Variants in PRG3 observed in about 807,000 individuals in gnomAD.
The protein encoded by PRG3 is proteoglycan 3, pro eosinophil major basic protein 2, also known as proteoglycan 3.
PRG3 carries 25 observed loss-of-function variants against 26.1 expected under a neutral mutation model. That is an observed-to-expected ratio of 0.96 (90% CI 0.70 to 1.34). The LOEUF (loss-of-function observed/expected upper bound fraction) is 1.34, where lower values mean the gene tolerates loss of function less well. Among genes scored for constraint, PRG3 ranks in the 40% most tolerant of loss-of-function variants. The probability of loss-of-function intolerance (pLI) is 0.00; values close to 1 mark genes in which losing one functional copy is unlikely to be tolerated. For missense variants in PRG3, 280 were observed against 264.8 expected (o/e 1.06, Z -0.40); for synonymous variants, 111 against 100.4 (o/e 1.11, Z -0.63).
In PRG3 at chr11:57,379,763, G is replaced by A; in HGVS notation, c.106C>T (p.Leu36=). 2 of 1,613,780 alleles carry A rather than the reference G, an allele frequency of 1.2e-6. No homozygotes were observed. Among genetic ancestry groups the A allele is most frequent in the Non-Finnish European group, 8.5e-7 (1 of 1,179,916 alleles). The change falls in exon 3 of 6, where the codon CTA becomes TTA. Residue 36 remains leucine, a synonymous_variant. Coordinates refer to ENST00000287143, the MANE Select transcript of PRG3 (RefSeq NM_006093.4). ...HLESLETQAD[L]GQDLDSSKEQ... is the part of the protein sequence containing the mutation. ...TTTGAACTATCCAGATCCTGGCCTA[G>A]GTCTGCCTGTGTCTCTAGGCTCTCC...
chr11:57,378,930 C>T, intron 3 of PRG3, 118 bp from the exon 4 acceptor site: 1 of 1,203,298 alleles, frequency 8.3e-7, no homozygotes, highest in South Asian at 1.4e-5. Context: ...CTCCCTTAAT[C>T]CTATCTTTTG....
chr11:57,377,566 G>T (rs1856956919), intron 5 of PRG3, among the ~76,000 whole-genome samples, 159 bp downstream of exon 5: 1 of 152,190 alleles, frequency 6.6e-6, no homozygotes, highest in Non-Finnish European at 1.5e-5. Context: ...TTGCTTTGAG[G>T]ATTCCCTATG....
At chr11:57,377,044 C>A in intron 5 of PRG3, 136 bp from the exon 6 acceptor site, 1 of 840,110 alleles carries the variant, frequency 1.2e-6, no homozygotes, top group Non-Finnish European at 1.9e-6. Flanking sequence ...TGCCCCACAT[C>A]CCTACTGGCT....
intron 4 of PRG3, among the ~76,000 whole-genome samples, chr11:57,378,092 G>A (rs1431528921): frequency 6.6e-6 from 1 of 152,182 alleles, no homozygotes; most frequent in Non-Finnish European, 1.5e-5. Context: ...GATTCAAGAG[G>A]TCTGTGGTGG....
rs763921737 is a variant in PRG3, at chr11:57,376,851, TAGA to T, written c.674_676del (p.Phe225del). 5 of 1,612,272 alleles carry T rather than the reference TAGA, an allele frequency of 3.1e-6. No individual in the cohort carries two copies. In the African/African-American group the frequency reaches 6.7e-5, roughly 22 times the overall value. ...TGGCAGGGTCTCCGTGCCGCTGGCT[TAGA>T]AGGAGCAGACGAAGGGCAGTTGCTT... On this transcript the variant is annotated inframe_deletion, in exon 6 of 6. Coordinates refer to ENST00000287143, the MANE Select transcript of PRG3 (RefSeq NM_006093.4).
chr11:57,379,933 T>C (rs1038201825), intron 2 of PRG3, 126 bp from the exon 3 acceptor site: 4 of 910,332 alleles, frequency 4.4e-6, no homozygotes, highest in African/African-American at 3.3e-5. Flanking sequence ...GAGGATTTCC[T>C]TGGTGTTAGG....
intron 5 of PRG3, 96 bp downstream of exon 5, chr11:57,377,629 T>G: frequency 3.0e-6 from 3 of 1,014,130 alleles, no homozygotes; most frequent in East Asian, 2.6e-5. Context: ...CGGGAGGGTC[T>G]GAGTTTGGGG....
At chr11:57,379,390 C>G in intron 3 of PRG3, 104 bp downstream of exon 3, 1 of 1,142,456 alleles carries the variant, frequency 8.8e-7, no homozygotes, top group South Asian at 1.6e-5. Context: ...GATTCTGATG[C>G]ATGCGAGGCT....
intron 1 of PRG3, 113 bp downstream of exon 1, chr11:57,381,001 C>T (rs1274305419): frequency 4.1e-6 from 1 of 242,016 alleles, no homozygotes; most frequent in Non-Finnish European, 7.7e-6. Flanking sequence ...GGGGACAGGT[C>T]TGCTTAGCTA....
chr11:57,380,506 A>G, intron 2 of PRG3, 142 bp downstream of exon 2: 1 of 651,386 alleles, frequency 1.5e-6, no homozygotes. Context: ...TCCAAGTGAT[A>G]TCTTACCGGA....
chr11:57,380,760 C>A lies in PRG3; in HGVS notation c.-52G>T, dbSNP rs1433001376. 7.6e-7 allele frequency: 1 copy of A among 1,317,648 alleles called. No homozygotes were observed. The highest frequency in any genetic ancestry group is 1.0e-6 in the Non-Finnish European group (1 of 973,216). 81.6% of individuals were successfully genotyped at this position (1,317,648 alleles called of 1,614,324 possible). On this transcript the variant is annotated 5_prime_UTR_variant, in exon 2 of 6. Coordinates refer to ENST00000287143, the MANE Select transcript of PRG3 (RefSeq NM_006093.4). ...ACTCCACCGTCCTTCTTGGGGCTGT[C>A]TTTGTGTGTCTAGTATAGCCCCTGG...
intron 3 of PRG3, among the ~76,000 whole-genome samples, chr11:57,379,290 T>C (rs983891286): frequency 3.9e-5 from 6 of 152,210 alleles, no homozygotes; most frequent in African/African-American, 9.6e-5. Flanking sequence ...TTGTTGTAAA[T>C]GCAAATTCTC....
chr11:57,380,300 T>A (rs939409513), intron 2 of PRG3, among the ~76,000 whole-genome samples: 1 of 151,862 alleles, frequency 6.6e-6, no homozygotes, highest in Non-Finnish European at 1.5e-5. Flanking sequence ...CTCAGGAGGC[T>A]GAGGCAGAAG....
chr11:57,380,606 A>T (rs1414022822), intron 2 of PRG3, 42 bp downstream of exon 2: 1 of 1,499,768 alleles, frequency 6.7e-7, no homozygotes, highest in South Asian at 1.3e-5. Context: ...AGGAAAAAGG[A>T]AAAAAGGGAA....
At chr11:57,377,099 G>C (rs1483462069) in intron 5 of PRG3, among the ~76,000 whole-genome samples, 191 bp from the exon 6 acceptor site, 1 of 152,160 alleles carries the variant, frequency 6.6e-6, no homozygotes, top group Non-Finnish European at 1.5e-5. Context: ...TGTGCTAACT[G>C]CATTAGATGG....
rs201135712 is a variant in PRG3 at position 57,377,824 on chromosome 11, G to A, written c.520C>T (p.Arg174Trp). 473 of 1,612,652 alleles carry A rather than the reference G, an allele frequency of 2.9e-4. 1 individual carries two copies. The highest frequency in any genetic ancestry group is 2.1e-3 in the South Asian group (188 of 91,050). ...GNLRGWFLWK[R>W]FCWTDGSHWN... ...TGGCTCCCATCAGTCCAGCAAAACC[G>A]CTTCCACAGGAACTAGAGAAGTGAC... The change falls in exon 5 of 6, where the codon CGG becomes TGG. Residue 174 changes from arginine to tryptophan, a missense_variant. Physicochemically the swap from Arg to Trp is moderately radical, Grantham distance 101. Transcript: ENST00000287143.
At chr11:57,377,586 T>G (rs1442222275) in intron 5 of PRG3, 139 bp downstream of exon 5, 1 of 688,274 alleles carries the variant, frequency 1.5e-6, no homozygotes, top group African/African-American at 1.8e-5. Flanking sequence ...GTCTCAGCCC[T>G]CCTTACACAC....
In PRG3 at chr11:57,379,692, T is replaced by G; in HGVS notation, c.177A>C (p.Ala59=). The change falls in exon 3 of 6, where the codon GCA becomes GCC. Residue 59 remains alanine, a synonymous_variant. Transcript: ENST00000287143. ...DLALTEEVIQ[A]EGEEVKASAC... ...CAGAAGCCTTGACCTCCTCTCCCTC[T>G]GCCTGAATCACCTCCTCCGTCAGAG... The G allele has an allele frequency of 5.0e-6, 8 of 1,613,980 alleles. No individual in the cohort carries two copies. Among genetic ancestry groups the G allele is most frequent in the Non-Finnish European group, 6.8e-6 (8 of 1,180,028 alleles).
In PRG3 at chr11:57,377,801, G is replaced by A. The variant is rs770376690; in HGVS notation, c.543C>T (p.Ser181=). The A allele has an allele frequency of 6.2e-7, 1 of 1,613,076 alleles. No individual in the cohort carries two copies. Among genetic ancestry groups the A allele is most frequent in the Non-Finnish European group, 8.5e-7 (1 of 1,179,954 alleles). The stretch of plus-strand genomic sequence containing the variant: ...GGGACCAGTAAGCAAAATTCCAGTG[G>A]CTCCCATCAGTCCAGCAAAACCGCT... ...LWKRFCWTDG[S]HWNFAYWSPG... is the part of the protein sequence containing the mutation. Residue 181 remains serine (S), a synonymous_variant, in exon 5 of 6, where the codon AGC becomes AGT. Coordinates refer to ENST00000287143, the MANE Select transcript of PRG3 (RefSeq NM_006093.4).
Sources: gnomAD v4.1 joint callset for allele counts (sites outside exome capture counted in the v4.1 genomes callset) on GRCh38, gnomAD v4.1.1 for gene constraint, MANE v1.5 for transcripts, NCBI Gene and HGNC (gene_info 2026-07-23, HGNC 2026-07-21) for gene names.